VWF: variants seen among roughly 807,000 people sequenced by gnomAD.
VWF encodes Factor VIII related antigen.
In VWF, 176 loss-of-function variants were observed where a neutral mutation model predicts 308.6. The ratio of observed to expected loss-of-function variants is 0.57; its 90% CI spans 0.50 to 0.65. The LOEUF (loss-of-function observed/expected upper bound fraction) is 0.65. Ranked by LOEUF, VWF falls within the 30% of genes least tolerant of loss-of-function variation. The pLI, the probability that VWF is intolerant of heterozygous loss-of-function variation, is 0.00. For synonymous variants in VWF, 1,385 were observed against 1,443.4 expected, an observed-to-expected ratio of 0.96 and a Z score of 0.92; for missense variants, 3,146 against 3,648.2, an observed-to-expected ratio of 0.86 and a Z score of 3.55.
In VWF at chr12:6,111,313, C is replaced by T. The variant is rs374306577; in HGVS notation, c.221-345G>A. Among the ~76,000 whole-genome samples, 33 of 152,250 alleles carry T rather than the reference C, an allele frequency of 2.2e-4. 1 individual carries two copies. In the East Asian group the frequency reaches 5.6e-3, roughly 26 times the overall value. On this transcript the variant is annotated intron_variant, in intron 3 of 51. Coordinates refer to ENST00000261405, the MANE Select transcript of VWF (RefSeq NM_000552.5). ...ATTGAGTATATTGTAAGGCAGCAAA[C>T]AAAAAGGCAACACTGTGAGTTACTG...
Position 6,063,160 on chromosome 12 carries a change from C to T in VWF, c.1433-106G>A, listed in dbSNP as rs1290574197. 5 of 928,738 alleles carry T rather than the reference C, an allele frequency of 5.4e-6. No homozygotes were observed. Among genetic ancestry groups the T allele is most frequent in the Non-Finnish European group, 8.5e-6 (5 of 589,582 alleles). 57.5% of individuals were successfully genotyped at this position (928,738 alleles called of 1,614,324 possible). ...GGGGTGTCTCAAAAGGATGGTAGCA[C>T]TGAAGAGCAATGACTTAGGGGCAGA... On this transcript the variant is annotated intron_variant, in intron 12 of 51. Transcript: ENST00000261405. This position sits in a 1 kb window ranked among gnomAD's most constrained non-coding sequence, Gnocchi z 4.9.
intron 5 of VWF, among the ~76,000 whole-genome samples, chr12:6,102,701 C>T (rs1215417709): frequency 6.6e-6 from 1 of 151,516 alleles, no homozygotes; most frequent in African/African-American, 2.4e-5. Context: ...TGCCACTGCA[C>T]CCAGCCTGGG....
chr12:5,995,158 T>A (rs1194555627), intron 35 of VWF, among the ~76,000 whole-genome samples: 18 of 152,092 alleles, frequency 1.2e-4, no homozygotes, highest in Admixed American at 9.8e-4. Context: ...AGCCAAAAGG[T>A]TGGACACTGG....
chr12:6,073,775 C>T (rs751912905), intron 7 of VWF, 34 bp from the exon 8 acceptor site: 48 of 1,613,024 alleles, frequency 3.0e-5, no homozygotes, highest in Non-Finnish European at 3.9e-5. Context: ...CTACCCAGGG[C>T]AGGTCCCACC....
rs866391649 is a variant in VWF at position 6,094,132 on chromosome 12, G to A, written c.657+1328C>T. On this transcript the variant is annotated intron_variant, in intron 6 of 51. Transcript: ENST00000261405. ...AGCAAGGACCTAGAGCCTCTGGAAG[G>A]AGCAAAGCCAGCCAACACCTTGATC... Among the ~76,000 whole-genome samples the A allele has an allele frequency of 3.3e-5, 5 of 152,332 alleles. No individual in the cohort carries two copies. The South Asian group carries it at 8.3e-4, about 25-fold the overall frequency.
intron 3 of VWF, among the ~76,000 whole-genome samples, chr12:6,112,987 T>A (rs961808464): frequency 6.6e-6 from 1 of 152,038 alleles, no homozygotes; most frequent in African/African-American, 2.4e-5. Flanking sequence ...ACGTAAATAA[T>A]AAGTCTATTC....
At position 5,993,849 on chromosome 12, in the gene VWF, C is replaced by G; in HGVS notation, c.6598+13G>C. 1.9e-6 allele frequency: 3 copies of G among 1,611,588 alleles called. No homozygotes were observed. Among genetic ancestry groups the G allele is most frequent in the Non-Finnish European group, 2.5e-6 (3 of 1,179,736 alleles). On this transcript the variant is annotated intron_variant, in intron 37 of 51. Coordinates refer to ENST00000261405, the MANE Select transcript of VWF (RefSeq NM_000552.5). ...TGGTCTCCAGGATTTTCAGAGGTAACTTGGAGACTCACCACAGAAATCAGG... is the reference window on the plus strand; with the variant it reads ...TGGTCTCCAGGATTTTCAGAGGTAAGTTGGAGACTCACCACAGAAATCAGG...
At chr12:5,990,043 C>A (rs1298913585) in intron 38 of VWF, among the ~76,000 whole-genome samples, 2 of 152,186 alleles carry the variant, frequency 1.3e-5, no homozygotes, top group African/African-American at 4.8e-5. Flanking sequence ...AATTACTTAA[C>A]TTGGCAAGTT....
intron 34 of VWF, 52 bp downstream of exon 34, chr12:6,011,565 T>G: frequency 6.5e-7 from 1 of 1,527,550 alleles, no homozygotes; most frequent in Admixed American, 2.0e-5. Flanking sequence ...ACAGCCAAGC[T>G]AAAAGCACTG....
chr12:5,974,785 T>C (rs1202395768), intron 43 of VWF, among the ~76,000 whole-genome samples: 1 of 152,128 alleles, frequency 6.6e-6, no homozygotes, highest in African/African-American at 2.4e-5. Flanking sequence ...TTAGGACAAA[T>C]GGAGAGACAT....
chr12:6,056,910 G>T lies in VWF; in HGVS notation c.1892C>A (p.Ala631Glu). 1.3e-6 allele frequency: 2 copies of T among 1,527,086 alleles called. No homozygotes were observed. Among genetic ancestry groups the T allele is most frequent in the East Asian group, 5.0e-5 (2 of 40,306 alleles). 94.6% of individuals were successfully genotyped at this position (1,527,086 alleles called of 1,614,324 possible). A position where few individuals can be genotyped will look rare whatever the true frequency, so the allele number is the denominator to read the frequency against. ...GCGCACGCCTCTCCCCGCGCAGGCC[G>T]CGGCATAGCTGGCCAGGGCGCCGCA... The part of the protein sequence containing the change: ...CLCGALASYA[A>E]ACAGRGVRVA... The change falls in exon 15 of 52, where the codon GCG (alanine) becomes GAG (glutamate). Residue 631 changes from alanine to glutamate, a missense_variant. Physicochemically the swap from Ala to Glu is moderately radical, Grantham distance 107 (BLOSUM62 -1). Transcript: ENST00000261405.
In VWF at chr12:6,060,666, T is replaced by TG. The variant is rs1486308771; in HGVS notation, c.1533+2287dup. On this transcript the variant is annotated intron_variant, in intron 13 of 51. Coordinates refer to ENST00000261405, the MANE Select transcript of VWF (RefSeq NM_000552.5). The surrounding 1 kb of genome is among the most constrained non-coding windows in gnomAD (Gnocchi z 5.1). ...GGTCATCTGACCCTGTCCTGAACCT[T>TG]GGCCAAGGAAACGTCTTCTTGTTAG... 2.6e-5 allele frequency among the ~76,000 whole-genome samples: 4 copies of TG among 152,202 alleles called. No homozygotes were observed. Among genetic ancestry groups the TG allele is most frequent in the Admixed American group, 6.5e-5 (1 of 15,284 alleles).
At chr12:6,113,915 G>A (rs776243886) in intron 3 of VWF, among the ~76,000 whole-genome samples, 13 of 152,194 alleles carry the variant, frequency 8.5e-5, no homozygotes, top group Non-Finnish European at 1.6e-4. Flanking sequence ...CTCCTCACTG[G>A]AGACCTGCCA....
chr12:6,081,811 G>C (rs1308180873), intron 6 of VWF, among the ~76,000 whole-genome samples: 4 of 152,162 alleles, frequency 2.6e-5, no homozygotes, highest in Admixed American at 2.6e-4. Context: ...TGAGACATGA[G>C]ATATCCCAAC....
chr12:6,095,465 G>T lies in VWF; in HGVS notation c.652C>A (p.Gln218Lys), dbSNP rs62643623. The change falls in exon 6 of 52, where the codon CAG (glutamine) becomes AAG (lysine). Residue 218 changes from glutamine to lysine, a missense_variant. This residue lies in a region of VWF where 1,304 missense variants were observed against 1,353.0 expected (regional missense o/e 0.96). Coordinates refer to ENST00000261405, the MANE Select transcript of VWF (RefSeq NM_000552.5). ...SSCNISSGEM[Q>K]KGLWEQCQLL... Reference sequence around the variant, plus strand: ...CCAGGCCAGTCCACACCCACCTTCTGCATTTCCCCAGAGGAGATGTTGCAT... The same window carrying T: ...CCAGGCCAGTCCACACCCACCTTCTTCATTTCCCCAGAGGAGATGTTGCAT... 6.2e-7 allele frequency: 1 copy of T among 1,614,062 alleles called. No homozygotes were observed. The highest frequency in any genetic ancestry group is 8.5e-7 in the Non-Finnish European group (1 of 1,179,968).
At chr12:6,106,290 C>T (rs1945242812) in intron 5 of VWF, among the ~76,000 whole-genome samples, 1 of 152,090 alleles carries the variant, frequency 6.6e-6, no homozygotes, top group African/African-American at 2.4e-5. Context: ...TACACCACAA[C>T]ATGAATGAAC....
intron 32 of VWF, among the ~76,000 whole-genome samples, chr12:6,013,202 C>T (rs940013811): frequency 1.3e-5 from 2 of 152,168 alleles, no homozygotes; most frequent in African/African-American, 4.8e-5. Context: ...GATCCCTCTA[C>T]ACAAATAAGC....
At chr12:5,965,426 A>G (rs1213784481) in intron 47 of VWF, among the ~76,000 whole-genome samples, 2 of 152,078 alleles carry the variant, frequency 1.3e-5, no homozygotes, top group Non-Finnish European at 2.9e-5. Context: ...TGGAAGGTCT[A>G]TTCGACATTC....
rs1207931330 is a variant in VWF at position 6,025,787 on chromosome 12, C to G, written c.3109-94G>C. On this transcript the variant is annotated intron_variant, in intron 23 of 51. Coordinates refer to ENST00000261405, the MANE Select transcript of VWF (RefSeq NM_000552.5). ...CCAAGAGACCCTCCTTCCCACCCTG[C>G]AGCCACCTGGAGGTCATACCACCCA... is the stretch of plus-strand genomic sequence containing the variant. 8.2e-6 allele frequency: 13 copies of G among 1,577,114 alleles called. No individual in the cohort carries two copies. In the African/African-American group the frequency reaches 1.8e-4, roughly 21 times the overall value.
Sources: allele counts gnomAD v4.1 joint callset (sites outside exome capture counted in the v4.1 genomes callset), GRCh38; gene constraint gnomAD v4.1.1; regional missense constraint gnomAD v4.1.1; non-coding constraint Gnocchi (gnomAD v3.1); transcripts MANE v1.5; gene names NCBI Gene and HGNC (gene_info 2026-07-23, HGNC 2026-07-21).